Variants in TMC1 observed in about 807,000 individuals in gnomAD.
The protein encoded by TMC1 is transmembrane channel-like protein 1.
In TMC1, 84 loss-of-function variants were observed where a neutral mutation model predicts 105.8. The ratio of observed to expected loss-of-function variants is 0.79; its 90% CI spans 0.67 to 0.95. TMC1 has a LOEUF of 0.95. TMC1 is among the 40% of genes least tolerant of loss of function. The pLI is 0.00. For synonymous variants in TMC1, 315 were observed against 311.5 expected, an observed-to-expected ratio of 1.01 and a Z score of -0.12; for missense variants, 817 against 914.1, an observed-to-expected ratio of 0.89 and a Z score of 1.37.
intron 5 of TMC1, among the ~76,000 whole-genome samples, chr9:72,664,510 C>T (rs952164612): frequency 6.6e-6 from 1 of 152,152 alleles, no homozygotes; most frequent in African/African-American, 2.4e-5. Context: ...ATATAAACCC[C>T]AAATCCCAGG....
chr9:72,618,333 C>G (rs1825176553), intron 3 of TMC1, among the ~76,000 whole-genome samples: 1 of 151,938 alleles, frequency 6.6e-6, no homozygotes, highest in African/African-American at 2.4e-5. Context: ...GTCTGGATCT[C>G]TTTTTAGTAC....
At chr9:72,765,087 T>C (rs1303482115) in intron 12 of TMC1, among the ~76,000 whole-genome samples, 1 of 152,158 alleles carries the variant, frequency 6.6e-6, no homozygotes, top group Non-Finnish European at 1.5e-5. Context: ...CCACATTCAT[T>C]ATTAATGGAA....
chr9:72,710,372 G>A (rs916466107), intron 8 of TMC1, among the ~76,000 whole-genome samples: 1 of 152,120 alleles, frequency 6.6e-6, no homozygotes, highest in Admixed American at 6.6e-5. Flanking sequence ...TTTGTTCTAG[G>A]TATAGTTTTA....
chr9:72,637,317 T>G (rs1005451107), intron 4 of TMC1, among the ~76,000 whole-genome samples: 2 of 151,844 alleles, frequency 1.3e-5, no homozygotes, highest in African/African-American at 4.8e-5. Context: ...CTGGACTTTT[T>G]CACTTACCAA....
chr9:72,565,337 G>T (rs573054681), intron 1 of TMC1, among the ~76,000 whole-genome samples: 2 of 152,034 alleles, frequency 1.3e-5, no homozygotes, highest in Admixed American at 1.3e-4. Context: ...ATAGGAGATT[G>T]GGTACCTTGG....
intron 18 of TMC1, among the ~76,000 whole-genome samples, chr9:72,815,618 T>G (rs1828774329): frequency 6.6e-6 from 1 of 152,198 alleles, no homozygotes; most frequent in Non-Finnish European, 1.5e-5. Context: ...GAGCACAGTT[T>G]TCCTCATGTA....
chr9:72,794,031 T>C (rs930639227), intron 17 of TMC1, among the ~76,000 whole-genome samples: 5 of 152,120 alleles, frequency 3.3e-5, no homozygotes, highest in African/African-American at 1.2e-4. Context: ...TAAGCTGCAG[T>C]TGACTCCAGG....
intron 8 of TMC1, among the ~76,000 whole-genome samples, chr9:72,702,872 A>G (rs896437552): frequency 2.0e-5 from 3 of 152,080 alleles, no homozygotes; most frequent in Admixed American, 2.0e-4. Flanking sequence ...AAATTTTAGC[A>G]ATGGGGAGAG....
chr9:72,788,618 C>A, intron 14 of TMC1, 135 bp downstream of exon 14: 1 of 991,340 alleles, frequency 1.0e-6, no homozygotes, highest in Non-Finnish European at 1.6e-6. Flanking sequence ...CTACCAAGAT[C>A]TTGCCATGGT....
chr9:72,710,865 A>G (rs1826823812), intron 8 of TMC1, among the ~76,000 whole-genome samples: 2 of 152,244 alleles, frequency 1.3e-5, no homozygotes, highest in South Asian at 4.1e-4. Flanking sequence ...TACACATGCC[A>G]TGGTGGTTTG....
intron 8 of TMC1, among the ~76,000 whole-genome samples, chr9:72,709,902 A>T (rs552150983): frequency 6.6e-6 from 1 of 151,624 alleles, no homozygotes; most frequent in Admixed American, 6.6e-5. Flanking sequence ...TTCTTCTACT[A>T]TTTGGGTTTG....
In TMC1 at chr9:72,648,615, A is replaced by G. The variant is rs748715363; in HGVS notation, c.-34A>G. ...CCTGCAGTCCCTCTCCAAACTAGCC[A>G]GCCACTGAGACCTTCTGACAGGACA... is the stretch of plus-strand genomic sequence containing the variant. On this transcript the variant is annotated 5_prime_UTR_variant, in exon 5 of 24. Transcript: ENST00000297784. 30 of 1,609,488 alleles carry G rather than the reference A, an allele frequency of 1.9e-5. No homozygotes were observed. In the Admixed American group the frequency reaches 5.0e-4, roughly 27 times the overall value.
rs560257957 is a variant in TMC1, at chr9:72,548,006, G to A, written c.-428+26093G>A. 1.1e-3 allele frequency among the ~76,000 whole-genome samples: 171 copies of A among 152,272 alleles called. 1 individual carries two copies. Among genetic ancestry groups the A allele is most frequent in the Non-Finnish European group, 2.0e-3 (138 of 68,032 alleles). The stretch of plus-strand genomic sequence containing the variant: ...GAGCAGAGAACAGACCATCTCTTGT[G>A]TCTGTTCTTAGAAGAACATTAATCC... On this transcript the variant is annotated intron_variant, in intron 1 of 23. Transcript: ENST00000297784.
intron 9 of TMC1, 86 bp downstream of exon 9, chr9:72,740,295 T>TA (rs1366464938): frequency 8.6e-7 from 1 of 1,160,756 alleles, no homozygotes; most frequent in East Asian, 2.4e-5. Context: ...AAAAAAATCT[T>TA]ACATTTTGTA....
At chr9:72,826,685 C>T (rs1208092062) in intron 20 of TMC1, among the ~76,000 whole-genome samples, 184 bp from the exon 21 acceptor site, 2 of 152,146 alleles carry the variant, frequency 1.3e-5, no homozygotes, top group Non-Finnish European at 2.9e-5. Context: ...TCATATTTCT[C>T]GTATCTTACC....
chr9:72,717,070 T>C (rs1826934536), intron 8 of TMC1, among the ~76,000 whole-genome samples: 1 of 152,164 alleles, frequency 6.6e-6, no homozygotes, highest in African/African-American at 2.4e-5. Context: ...CTACTTTGGC[T>C]TGCCCTCCTT....
chr9:72,619,826 TTA>T (rs1564449069), intron 3 of TMC1, among the ~76,000 whole-genome samples: 14 of 151,332 alleles, frequency 9.3e-5, no homozygotes, highest in Admixed American at 3.3e-4. Flanking sequence ...AATTAATTAA[TTA>T]ATTAATTTAT....
At chr9:72,802,651 A>G (rs982752419) in intron 17 of TMC1, among the ~76,000 whole-genome samples, 20 of 152,158 alleles carry the variant, frequency 1.3e-4, no homozygotes, top group Non-Finnish European at 2.8e-4. Context: ...GAATAAAGAG[A>G]CCATGTACCA....
chr9:72,532,581 A>C lies in TMC1; in HGVS notation c.-428+10668A>C, dbSNP rs200286466. On this transcript the variant is annotated intron_variant, in intron 1 of 23. Coordinates refer to ENST00000297784, the MANE Select transcript of TMC1 (RefSeq NM_138691.3). The stretch of plus-strand genomic sequence containing the variant: ...AAAAAAAAAAAAAAAAAAAAAAAAA[A>C]AAAAAACTTTACCGGAATTAAAGCC... Among the ~76,000 whole-genome samples the C allele has an allele frequency of 4.0e-4, 51 of 127,462 alleles. No individual in the cohort carries two copies. In the East Asian group the frequency reaches 9.9e-3, roughly 25 times the overall value. The allele number at this position is 127,462 out of a possible 152,430, so 83.6% of individuals were successfully genotyped here.
Sources: gnomAD v4.1 joint callset for allele counts (sites outside exome capture counted in the v4.1 genomes callset) on GRCh38, gnomAD v4.1.1 for gene constraint, MANE v1.5 for transcripts, NCBI Gene and HGNC (gene_info 2026-07-23, HGNC 2026-07-21) for gene names.